Variants in BEGAIN observed in about 807,000 individuals in gnomAD.
The protein encoded by BEGAIN is brain-enriched guanylate kinase-associated protein.
A neutral mutation model predicts 35.8 loss-of-function variants in BEGAIN; 19 were observed. The ratio of observed to expected loss-of-function variants is 0.53; its 90% CI spans 0.37 to 0.78. The LOEUF (loss-of-function observed/expected upper bound fraction) is 0.78. BEGAIN is among the 30% of genes least tolerant of loss of function. BEGAIN has a pLI of 0.00. For synonymous variants in BEGAIN, 462 were observed against 388.6 expected (o/e 1.19, Z -2.22); for missense variants, 795 against 853.6 (o/e 0.93, Z 0.85).
intron 1 of BEGAIN, among the ~76,000 whole-genome samples, chr14:100,581,948 A>G (rs1312008441): frequency 6.6e-6 from 1 of 152,174 alleles, no homozygotes; most frequent in Non-Finnish European, 1.5e-5. Flanking sequence ...ACCTCGCTTC[A>G]TTCTTACAGC....
At position 100,545,024 on chromosome 14, in the gene BEGAIN, C is replaced by T; in HGVS notation, c.276G>A (p.Glu92=). ...NYMALQRINQ[E]LEDKLYRMGQ... is the part of the protein sequence containing the mutation. ...CCATGCGGTACAGCTTGTCCTCCAGCTCCTGGTTGATCCTCTGCAGTGCCA... is the reference window on the plus strand; with the variant it reads ...CCATGCGGTACAGCTTGTCCTCCAGTTCCTGGTTGATCCTCTGCAGTGCCA... Residue 92 remains glutamate, a synonymous_variant, in exon 4 of 7, where the codon GAG becomes GAA. Transcript: ENST00000554140. 6.2e-7 allele frequency: 1 copy of T among 1,613,078 alleles called. No individual in the cohort carries two copies. Among genetic ancestry groups the T allele is most frequent in the African/African-American group, 1.3e-5 (1 of 75,052 alleles).
At chr14:100,564,520 G>GCA (rs2034537189) in intron 2 of BEGAIN, among the ~76,000 whole-genome samples, 1 of 152,162 alleles carries the variant, frequency 6.6e-6, no homozygotes, top group South Asian at 2.1e-4. Context: ...GAGGCTCTGA[G>GCA]CACACGGAGA....
chr14:100,565,559 A>G (rs1469919609), intron 2 of BEGAIN, among the ~76,000 whole-genome samples: 1 of 152,086 alleles, frequency 6.6e-6, no homozygotes, highest in Non-Finnish European at 1.5e-5. Flanking sequence ...GGGGGCCAGG[A>G]CCAGCACTCT....
At chr14:100,572,491 C>T (rs1326332877) in intron 1 of BEGAIN, among the ~76,000 whole-genome samples, 1 of 152,154 alleles carries the variant, frequency 6.6e-6, no homozygotes, top group Non-Finnish European at 1.5e-5. Flanking sequence ...CTCTCCGACC[C>T]CAACCCCAGT....
Position 100,538,745 on chromosome 14 carries a change from G to T in BEGAIN, c.1063C>A (p.Arg355Ser). Residue 355 changes from arginine (R) to serine (S), a missense_variant, in exon 7 of 7, where the codon CGC becomes AGC. Transcript: ENST00000554140. Reference protein sequence around the residue: ...YLNSRDELFDRKPPATTYEGS... With the variant: ...YLNSRDELFDSKPPATTYEGS... ...TCGTAGGTGGTGGCGGGTGGCTTGC[G>T]GTCGAAGAGCTCGTCGCGGCTGTTC... 1 of 1,572,484 alleles carries T rather than the reference G, an allele frequency of 6.4e-7. No individual in the cohort carries two copies. The highest frequency in any genetic ancestry group is 8.6e-7 in the Non-Finnish European group (1 of 1,159,752).
chr14:100,581,797 C>T (rs2035321889), intron 1 of BEGAIN, among the ~76,000 whole-genome samples: 1 of 152,254 alleles, frequency 6.6e-6, no homozygotes, highest in Admixed American at 6.5e-5. Flanking sequence ...GGAAAGCTGG[C>T]CCCTGCCAGC....
chr14:100,542,919 C>T (rs1306065720), intron 5 of BEGAIN, among the ~76,000 whole-genome samples: 1 of 152,238 alleles, frequency 6.6e-6, no homozygotes, highest in East Asian at 1.9e-4. Context: ...CAGAATAAAG[C>T]CCAGGTTTCT....
chr14:100,576,627 G>A (rs555106229), intron 1 of BEGAIN, among the ~76,000 whole-genome samples: 4 of 152,140 alleles, frequency 2.6e-5, no homozygotes, highest in Non-Finnish European at 5.9e-5. Context: ...AGCAACATCC[G>A]GGCAGCCCAC....
chr14:100,557,569 A>G (rs553752574), intron 2 of BEGAIN, among the ~76,000 whole-genome samples: 242 of 152,028 alleles, frequency 1.6e-3, no homozygotes, highest in Non-Finnish European at 3.1e-3. Context: ...CCTTGCCCTC[A>G]CTTGGCAGCC....
At chr14:100,578,182 A>G (rs1251873775) in intron 1 of BEGAIN, among the ~76,000 whole-genome samples, 1 of 152,244 alleles carries the variant, frequency 6.6e-6, no homozygotes, top group African/African-American at 2.4e-5. Flanking sequence ...GGGCTTAGAA[A>G]GTGCTAGAGA....
intron 2 of BEGAIN, among the ~76,000 whole-genome samples, chr14:100,553,722 T>C (rs2033429390): frequency 6.6e-6 from 1 of 152,154 alleles, no homozygotes; most frequent in African/African-American, 2.4e-5. Context: ...AAGGTCCCTC[T>C]CTTCCTCTCC....
At chr14:100,546,769 CGCG>C in intron 2 of BEGAIN, 107 bp from the exon 3 acceptor site, 1 of 740,230 alleles carries the variant, frequency 1.4e-6, no homozygotes, top group Admixed American at 5.7e-5. Flanking sequence ...TACCGGCGCG[CGCG>C]CGCGCGCGCA....
chr14:100,587,236 C>A lies in BEGAIN; in HGVS notation c.42+13G>T. The A allele has an allele frequency of 5.1e-6, 1 of 195,850 alleles. No individual in the cohort carries two copies. Among genetic ancestry groups the A allele is most frequent in the Non-Finnish European group, 1.0e-5 (1 of 96,452 alleles). 12.1% of individuals were successfully genotyped at this position (195,850 alleles called of 1,614,324 possible). ...GCGCCCGCGCCCTGCCCTCCCGGCT[C>A]GCAGGTACTCACCGCCCGGCGCAGC... On this transcript the variant is annotated intron_variant, in intron 1 of 6. Transcript: ENST00000554140.
chr14:100,584,575 A>G (rs1273296320), intron 1 of BEGAIN, among the ~76,000 whole-genome samples: 1 of 152,204 alleles, frequency 6.6e-6, no homozygotes, highest in Admixed American at 6.5e-5. Context: ...ACACTTAGTC[A>G]TTCATCATTC....
At chr14:100,554,607 G>A (rs1048412854) in intron 2 of BEGAIN, among the ~76,000 whole-genome samples, 3 of 151,744 alleles carry the variant, frequency 2.0e-5, no homozygotes, top group East Asian at 1.9e-4. Context: ...ACCCCACCCT[G>A]CCCTGGATGA....
intron 1 of BEGAIN, among the ~76,000 whole-genome samples, chr14:100,570,041 G>A (rs2035025094): frequency 6.6e-6 from 1 of 152,110 alleles, no homozygotes; most frequent in African/African-American, 2.4e-5. Context: ...TGGAGATCCC[G>A]CAGCTGAAGG....
At chr14:100,578,019 G>A (rs1035102861) in intron 1 of BEGAIN, 1 of 398,722 alleles carries the variant, frequency 2.5e-6, no homozygotes, top group African/African-American at 2.1e-5. Context: ...CCTCCCATGG[G>A]GCTGGGATCC....
intron 5 of BEGAIN, among the ~76,000 whole-genome samples, chr14:100,542,301 C>A (rs972821420): frequency 6.6e-6 from 1 of 152,246 alleles, no homozygotes; most frequent in Non-Finnish European, 1.5e-5. Flanking sequence ...TTGACTGCAG[C>A]CCCCTTCTCA....
At chr14:100,555,961 GAC>G (rs766190760) in intron 2 of BEGAIN, among the ~76,000 whole-genome samples, 1 of 152,152 alleles carries the variant, frequency 6.6e-6, no homozygotes. Context: ...CTGGGGGAAA[GAC>G]ACATGCATGC....
Sources: allele counts gnomAD v4.1 joint callset (sites outside exome capture counted in the v4.1 genomes callset), GRCh38; gene constraint gnomAD v4.1.1; transcripts MANE v1.5; gene names NCBI Gene and HGNC (gene_info 2026-07-23, HGNC 2026-07-21).